MYOCOS: variants seen among roughly 807,000 people sequenced by gnomAD.
The protein encoded by MYOCOS is myocilin opposite strand protein.
intron 1 of MYOCOS, among the ~76,000 whole-genome samples, chr1:171,602,874 A>G (rs2102931042): frequency 6.6e-6 from 1 of 152,158 alleles, no homozygotes; most frequent in East Asian, 1.9e-4. Flanking sequence ...AACTTTGGCA[A>G]TTAAGACGGC....
At chr1:171,615,888 G>A (rs1652439205) in intron 2 of MYOCOS, among the ~76,000 whole-genome samples, 1 of 152,140 alleles carries the variant, frequency 6.6e-6, no homozygotes. Context: ...TTTTGTCTGT[G>A]GCTCGTCCTG....
intron 1 of MYOCOS, among the ~76,000 whole-genome samples, chr1:171,610,050 A>G (rs1293568866): frequency 6.6e-6 from 1 of 152,214 alleles, no homozygotes; most frequent in African/African-American, 2.4e-5. Flanking sequence ...CTGGCTTCCA[A>G]GCAAGCAAGC....
intron 1 of MYOCOS, among the ~76,000 whole-genome samples, chr1:171,602,905 G>C (rs893689084): frequency 6.6e-6 from 1 of 152,162 alleles, no homozygotes; most frequent in South Asian, 2.1e-4. Flanking sequence ...GCAAATGCCT[G>C]GTTGAAATAG....
At chr1:171,614,335 G>A (rs1362568094) in intron 1 of MYOCOS, among the ~76,000 whole-genome samples, 1 of 152,198 alleles carries the variant, frequency 6.6e-6, no homozygotes, top group African/African-American at 2.4e-5. Context: ...TTGAGGGAGT[G>A]CCCTCTGCAT....
chr1:171,623,101 C>T (rs1179587551), intron 1 of MYOCOS, among the ~76,000 whole-genome samples: 1 of 152,064 alleles, frequency 6.6e-6, no homozygotes, highest in Non-Finnish European at 1.5e-5. Flanking sequence ...TGGTGGCATG[C>T]ACCTGTAGTC....
At chr1:171,601,402 C>G (rs1260780380) in intron 1 of MYOCOS, among the ~76,000 whole-genome samples, 1 of 151,538 alleles carries the variant, frequency 6.6e-6, no homozygotes, top group Non-Finnish European at 1.5e-5. Flanking sequence ...TTGGTATAAA[C>G]AGTAAAAGTG....
chr1:171,623,790 A>C, intron 1 of MYOCOS, 51 bp from the exon 2 acceptor site: 1 of 397,840 alleles, frequency 2.5e-6, no homozygotes, highest in East Asian at 3.6e-5. Context: ...TAGCTGGAGC[A>C]TTCCTGACCC....
chr1:171,610,828 G>A (rs1489377161), intron 1 of MYOCOS, among the ~76,000 whole-genome samples: 1 of 152,164 alleles, frequency 6.6e-6, no homozygotes, highest in African/African-American at 2.4e-5. Context: ...TATTATGCAG[G>A]ATCCCATGAA....
At chr1:171,618,528 T>A (rs1417773089), upstream of MYOCOS, among the ~76,000 whole-genome samples, 1 of 152,100 alleles carries the variant, frequency 6.6e-6, no homozygotes, top group Admixed American at 6.6e-5. Flanking sequence ...GGGTCACCCA[T>A]CCTATTCTTT....
In MYOCOS at chr1:171,601,523, C is replaced by G. The variant is rs1487815589; in HGVS notation, c.-252+443C>G. ...TAGGTCAGGTGCAAAGTAAGCCCAC[C>G]CCACTGGGAACTATGTTAAAGAATT... is the stretch of plus-strand genomic sequence containing the variant. On this transcript the variant is annotated intron_variant, in intron 1 of 3. Coordinates refer to the MYOCOS transcript ENST00000636697. 2.6e-5 allele frequency among the ~76,000 whole-genome samples: 4 copies of G among 151,366 alleles called. No homozygotes were observed. In the East Asian group the frequency reaches 7.7e-4, roughly 29 times the overall value.
chr1:171,608,407 A>ATTTTTTT (rs1652293515), intron 1 of MYOCOS, among the ~76,000 whole-genome samples: 3 of 67,900 alleles, frequency 4.4e-5, no homozygotes, highest in African/African-American at 2.4e-4. Context: ...AGGGAACCAG[A>ATTTTTTT]CTTTTTTTTT....
At chr1:171,608,408 CTTTTTTTTT>C (rs34773729) in intron 1 of MYOCOS, among the ~76,000 whole-genome samples, 16 of 51,362 alleles carry the variant, frequency 3.1e-4, no homozygotes, top group Non-Finnish European at 4.3e-4. Flanking sequence ...GGGAACCAGA[CTTTTTTTTT>C]TTTTTTTTTT....
intron 1 of MYOCOS, among the ~76,000 whole-genome samples, chr1:171,608,174 C>G (rs1037640890): frequency 6.6e-6 from 1 of 152,104 alleles, no homozygotes; most frequent in African/African-American, 2.4e-5. Flanking sequence ...GGTGGGGACA[C>G]GGCCAAACCA....
chr1:171,625,713 C>T (rs954579632), intron 2 of MYOCOS, among the ~76,000 whole-genome samples: 3 of 152,312 alleles, frequency 2.0e-5, no homozygotes, highest in African/African-American at 7.2e-5. Flanking sequence ...TGAAGTGAAA[C>T]TGAGGCTGGA....
chr1:171,602,045 A>G (rs1175273419), intron 1 of MYOCOS, among the ~76,000 whole-genome samples: 1 of 151,860 alleles, frequency 6.6e-6, no homozygotes, highest in Non-Finnish European at 1.5e-5. Context: ...TTTGCTTTAA[A>G]AAAAAAAAAG....
At chr1:171,606,564 T>C (rs1230161503) in intron 1 of MYOCOS, among the ~76,000 whole-genome samples, 2 of 152,128 alleles carry the variant, frequency 1.3e-5, no homozygotes, top group Non-Finnish European at 2.9e-5. Context: ...TAAAAGAACA[T>C]TGTGGAACTC....
At chr1:171,616,004 G>A (rs944425843) in intron 2 of MYOCOS, among the ~76,000 whole-genome samples, 1 of 152,100 alleles carries the variant, frequency 6.6e-6, no homozygotes, top group Non-Finnish European at 1.5e-5. Context: ...GATCACTTGA[G>A]GTCAGGAGTT....
chr1:171,604,932 A>G (rs1652216440), intron 1 of MYOCOS, among the ~76,000 whole-genome samples: 1 of 152,166 alleles, frequency 6.6e-6, no homozygotes, highest in Non-Finnish European at 1.5e-5. Context: ...ATAAAGAAAA[A>G]TACGTATCAT....
At chr1:171,621,513 C>A (rs892138986), upstream of MYOCOS, among the ~76,000 whole-genome samples, 3 of 151,352 alleles carry the variant, frequency 2.0e-5, no homozygotes, top group African/African-American at 4.9e-5. Flanking sequence ...GTAGCTGGGA[C>A]TACAGGCACC....
Sources: allele counts gnomAD v4.1 joint callset (sites outside exome capture counted in the v4.1 genomes callset), GRCh38; gene constraint gnomAD v4.1.1; transcripts MANE v1.5; gene names NCBI Gene and HGNC (gene_info 2026-07-23, HGNC 2026-07-21).